The following SLC5A11 variants were observed in gnomAD, a reference collection of about 807,000 sequenced individuals.
SLC5A11 encodes the protein sodium/myo-inositol cotransporter 2.
SLC5A11 carries 48 observed loss-of-function variants against 69.8 expected under a neutral mutation model. That is an observed-to-expected ratio of 0.69 (90% CI 0.55 to 0.87). The LOEUF is 0.87. Among genes scored for constraint, SLC5A11 ranks in the 40% least tolerant of loss-of-function variants. The pLI, the probability that SLC5A11 is intolerant of heterozygous loss-of-function variation, is 0.00. For synonymous variants in SLC5A11, 319 were observed against 342.4 expected (o/e 0.93, Z 0.75); for missense variants, 784 against 866.1 (o/e 0.91, Z 1.19).
chr16:24,902,392 G>A (rs62032841), intron 10 of SLC5A11, among the ~76,000 whole-genome samples: 27,134 of 152,040 alleles, frequency 0.18, 2,745 homozygotes, highest in African/African-American at 0.27. Context: ...TACTGAGCTA[G>A]TGCCAGATGA....
At chr16:24,882,721 C>T (rs1229336947) in intron 7 of SLC5A11, among the ~76,000 whole-genome samples, 1 of 152,214 alleles carries the variant, frequency 6.6e-6, no homozygotes, top group Admixed American at 6.5e-5. Flanking sequence ...TCTTGGCTCA[C>T]TGCAACCTCT....
chr16:24,877,736 T>A (rs1597124639), intron 7 of SLC5A11, among the ~76,000 whole-genome samples: 1 of 151,960 alleles, frequency 6.6e-6, no homozygotes, highest in Admixed American at 6.6e-5. Flanking sequence ...CTGTAATCCC[T>A]GCACTTTGGG....
intron 11 of SLC5A11, 31 bp from the exon 13 acceptor site, chr16:24,906,994 C>A: frequency 1.2e-6 from 2 of 1,606,742 alleles, no homozygotes; most frequent in Non-Finnish European, 8.5e-7. Flanking sequence ...CAGAAAAGGA[C>A]CGAGGCCCAT....
intron 7 of SLC5A11, among the ~76,000 whole-genome samples, chr16:24,877,916 G>A (rs553840870): frequency 1.5e-4 from 23 of 152,342 alleles, no homozygotes; most frequent in East Asian, 9.6e-4. Context: ...CCCGGGAGGC[G>A]GAGGTTGCAG....
rs1205989325 is a variant in SLC5A11, at chr16:24,869,979, A to G, written c.286A>G (p.Ile96Val). ...GGCAGGGTCAGGTGCTGCTACGGGCATTTCTGTATCAGCTTATGAACTTAA... is the reference window on the plus strand; with the variant it reads ...GGCAGGGTCAGGTGCTGCTACGGGCGTTTCTGTATCAGCTTATGAACTTAA... Residue 96 changes from isoleucine (I) to valine (V), a missense_variant, in exon 4 of 16, where the codon ATT (isoleucine) becomes GTT (valine). By Grantham distance (29) the Ile-to-Val change is conservative. Coordinates refer to ENST00000347898, the Ensembl canonical transcript of SLC5A11. The G allele has an allele frequency of 1.9e-6, 3 of 1,613,884 alleles. No homozygotes were observed. In the Admixed American group the frequency reaches 5.0e-5, roughly 27 times the overall value.
At chr16:24,867,028 T>C (rs2046963213) in intron 3 of SLC5A11, among the ~76,000 whole-genome samples, 2 of 152,150 alleles carry the variant, frequency 1.3e-5, no homozygotes, top group Admixed American at 6.6e-5. Flanking sequence ...ATAAACCAAC[T>C]GACCTAACAG....
exon 16 of SLC5A11, chr16:24,911,455 C>G (rs773109224): frequency 4.0e-5 from 64 of 1,614,032 alleles, no homozygotes; most frequent in Non-Finnish European, 5.1e-5. Flanking sequence ...AAGAAAACCC[C>G]TTGGTGAAGA....
At chr16:24,866,572 G>A (rs2046930202) in intron 3 of SLC5A11, among the ~76,000 whole-genome samples, 1 of 139,850 alleles carries the variant, frequency 7.2e-6, no homozygotes, top group African/African-American at 2.6e-5. Flanking sequence ...GTGAGATCCT[G>A]TCTAAAAAAA....
intron 7 of SLC5A11, among the ~76,000 whole-genome samples, chr16:24,880,965 A>G (rs1168769720): frequency 1.3e-5 from 2 of 151,944 alleles, no homozygotes; most frequent in African/African-American, 4.8e-5. Flanking sequence ...GGACTTTGGG[A>G]GGCCAAGGCA....
chr16:24,884,076 G>C lies in SLC5A11; in HGVS notation c.609G>C (p.Thr203=), dbSNP rs74015770. ...GTGGCCTGGCTGCTGTGATCTACAC[G>C]GATGCCCTGCAGACGCTGATCATGC... is the stretch of plus-strand genomic sequence containing the variant. The change falls in exon 8 of 16, where the codon ACG becomes ACC. Residue 203 remains threonine, a synonymous_variant. Transcript: ENST00000347898. 532 of 1,614,042 alleles carry C rather than the reference G, an allele frequency of 3.3e-4. 6 individuals are homozygous for C. In the African/African-American group the frequency reaches 5.9e-3, roughly 18 times the overall value.
chr16:24,891,122 C>A, intron 9 of SLC5A11, 48 bp downstream of exon 10: 2 of 1,579,588 alleles, frequency 1.3e-6, no homozygotes, highest in South Asian at 1.1e-5. Context: ...TTGCTTCTTT[C>A]CTTAGGGTGG....
intron 8 of SLC5A11, among the ~76,000 whole-genome samples, chr16:24,884,513 GTTTTT>G (rs10572531): frequency 2.4e-4 from 26 of 110,258 alleles, no homozygotes; most frequent in South Asian, 6.8e-4. Flanking sequence ...TTTTTATTTT[GTTTTT>G]TTTTTTTTTT....
intron 2 of SLC5A11, 144 bp from the exon 4 acceptor site, chr16:24,862,457 A>G (rs1302020626): frequency 7.2e-6 from 4 of 558,692 alleles, no homozygotes; most frequent in Admixed American, 3.0e-5. Context: ...TTTATCCAAA[A>G]CTCTGGGAGA....
chr16:24,891,185 C>A, intron 9 of SLC5A11, 111 bp downstream of exon 10: 1 of 1,040,062 alleles, frequency 9.6e-7, no homozygotes, highest in Non-Finnish European at 1.4e-6. Context: ...TGCGTTTTCC[C>A]TGCTTCCTTG....
intron 9 of SLC5A11, among the ~76,000 whole-genome samples, chr16:24,895,126 G>GAA (rs201087957): frequency 1.4e-5 from 2 of 145,624 alleles, no homozygotes; most frequent in African/African-American, 5.0e-5. Context: ...TCCTGCCTCA[G>GAA]AAAAAAAGAA....
At chr16:24,858,316 C>A (rs138079267) in intron 1 of SLC5A11, among the ~76,000 whole-genome samples, 85 of 152,298 alleles carry the variant, frequency 5.6e-4, no homozygotes, top group African/African-American at 2.0e-3. Flanking sequence ...CTCTGGGACA[C>A]GTGCTTGCTG....
At chr16:24,881,490 G>A (rs145241056) in intron 7 of SLC5A11, among the ~76,000 whole-genome samples, 49 of 152,154 alleles carry the variant, frequency 3.2e-4, no homozygotes, top group African/African-American at 1.2e-3. Flanking sequence ...GTTTCACTGT[G>A]TTGGTCAGGC....
In SLC5A11 at chr16:24,900,918, TAAAA is replaced by T. The variant is rs57145899; in HGVS notation, c.1006+2827_1006+2830del. ...GGACAACATAGCAAGACCCTATCTC[TAAAA>T]AAAAAAAAAAAAAAAAAGGAAAGAA... On this transcript the variant is annotated intron_variant, in intron 10 of 15. Transcript: ENST00000347898. Among the ~76,000 whole-genome samples, 614 of 116,612 alleles carry T rather than the reference TAAAA, an allele frequency of 5.3e-3. 3 individuals are homozygous for T. Among genetic ancestry groups the T allele is most frequent in the African/African-American group, 0.018 (581 of 32,478 alleles). The allele number at this position is 116,612 out of a possible 152,430, so 76.5% of individuals were successfully genotyped here. A position where few individuals can be genotyped will look rare whatever the true frequency, so the allele number is the denominator to read the frequency against.
intron 4 of SLC5A11, among the ~76,000 whole-genome samples, chr16:24,870,444 CA>C (rs1567605313): frequency 3.9e-4 from 57 of 147,254 alleles, no homozygotes; most frequent in African/African-American, 7.0e-4. Context: ...CAAAAAAAAA[CA>C]CACACACACA....
Sources: allele counts gnomAD v4.1 joint callset (sites outside exome capture counted in the v4.1 genomes callset), GRCh38; gene constraint gnomAD v4.1.1; transcripts MANE v1.5; gene names NCBI Gene and HGNC (gene_info 2026-07-23, HGNC 2026-07-21).